KIF27: variants seen among roughly 807,000 people sequenced by gnomAD.
KIF27 encodes kinesin family member 27.
A neutral mutation model predicts 141.8 loss-of-function variants in KIF27; 84 were observed. The observed-to-expected ratio is 0.59, with a 90% CI of 0.50 to 0.71. The LOEUF (loss-of-function observed/expected upper bound fraction) is 0.71. Ranked by LOEUF, KIF27 falls within the 30% of genes least tolerant of loss-of-function variation. The pLI, the probability that KIF27 is intolerant of heterozygous loss-of-function variation, is 0.00. For missense variants in KIF27, 1,306 were observed against 1,628.4 expected (o/e 0.80, Z 3.41); for synonymous variants, 471 against 569.5 (o/e 0.83, Z 2.46).
intron 4 of KIF27, 71 bp downstream of exon 4, chr9:83,902,989 C>T: frequency 1.1e-6 from 1 of 917,622 alleles, no homozygotes; most frequent in Non-Finnish European, 1.6e-6. Context: ...AACACATGTA[C>T]CCCCAAAATA....
chr9:83,838,969 A>G (rs1488226250), intron 17 of KIF27, among the ~76,000 whole-genome samples: 1 of 152,168 alleles, frequency 6.6e-6, no homozygotes, highest in Non-Finnish European at 1.5e-5. Flanking sequence ...CAAACTCTGC[A>G]GTACATCAGA....
chr9:83,900,817 T>A (rs1196082089), intron 4 of KIF27, among the ~76,000 whole-genome samples: 3 of 151,786 alleles, frequency 2.0e-5, no homozygotes, highest in Non-Finnish European at 4.4e-5. Context: ...TTACCAGTAC[T>A]TCCTGTTCCA....
At chr9:83,842,666 T>G (rs1005990595) in intron 16 of KIF27, among the ~76,000 whole-genome samples, 2 of 151,976 alleles carry the variant, frequency 1.3e-5, no homozygotes, top group African/African-American at 4.8e-5. Flanking sequence ...TGGGGTTTCA[T>G]CATGTTAGCC....
Position 83,859,382 on chromosome 9 carries a change from C to T in KIF27, c.2935-11G>A. 1 of 1,599,000 alleles carries T rather than the reference C, an allele frequency of 6.3e-7. No individual in the cohort carries two copies. Among genetic ancestry groups the T allele is most frequent in the Non-Finnish European group, 8.6e-7 (1 of 1,166,428 alleles). On this transcript the variant is annotated splice_polypyrimidine_tract_variant and intron_variant, in intron 13 of 17. Coordinates refer to ENST00000297814, the MANE Select transcript of KIF27 (RefSeq NM_017576.4). The stretch of plus-strand genomic sequence containing the variant: ...ATCTGTGTTTAAGGCCTAAAAGATA[C>T]AACCCACCAGCCACCTCAAAAACAG...
At chr9:83,885,790 C>T (rs1204135129) in intron 9 of KIF27, among the ~76,000 whole-genome samples, 1 of 152,122 alleles carries the variant, frequency 6.6e-6, no homozygotes, top group East Asian at 1.9e-4. Context: ...TGTCACCATG[C>T]CCAGTACGCA....
intron 2 of KIF27, among the ~76,000 whole-genome samples, chr9:83,909,318 G>C (rs1208556448): frequency 2.0e-5 from 3 of 152,140 alleles, no homozygotes; most frequent in Non-Finnish European, 2.9e-5. Flanking sequence ...TCTGAGAAAA[G>C]ACTTGAAAGA....
At chr9:83,870,846 A>G (rs1177322468) in intron 11 of KIF27, among the ~76,000 whole-genome samples, 1 of 151,864 alleles carries the variant, frequency 6.6e-6, no homozygotes, top group Non-Finnish European at 1.5e-5. Flanking sequence ...TTAGTCACAG[A>G]AAGAGAAAAT....
chr9:83,858,506 C>T (rs992224452), intron 14 of KIF27: 3 of 152,154 alleles, frequency 2.0e-5, no homozygotes, highest in African/African-American at 7.2e-5. Context: ...AAAGGTACCA[C>T]TGCCAACTGA....
intron 5 of KIF27, among the ~76,000 whole-genome samples, chr9:83,896,060 AAAAAAAAAAAAAAAAC>A (rs1189471297): frequency 1.3e-4 from 20 of 149,216 alleles, no homozygotes; most frequent in African/African-American, 4.7e-4. Context: ...TCAAAAAAAA[AAAAAAAAAAAAAAAAC>A]AAAACACACA....
At chr9:83,865,724 GCTCTAT>G (rs1241740342) in intron 13 of KIF27, among the ~76,000 whole-genome samples, 1 of 152,008 alleles carries the variant, frequency 6.6e-6, no homozygotes, top group East Asian at 1.9e-4. Flanking sequence ...TCAGCTTCTT[GCTCTAT>G]CTCTAATGTC....
rs73648584 is a variant in KIF27 at position 83,865,730 on chromosome 9, T to G, written c.2934+1954A>C. Among the ~76,000 whole-genome samples the G allele has an allele frequency of 2.8e-3, 433 of 152,332 alleles. 12 individuals carry two copies. The East Asian group carries it at 0.075, about 26-fold the overall frequency. ...AAGTTTTTTTCAGCTTCTTGCTCTATCTCTAATGTCTCTGAGTTTATTTTT... is the reference window on the plus strand; with the variant it reads ...AAGTTTTTTTCAGCTTCTTGCTCTAGCTCTAATGTCTCTGAGTTTATTTTT... On this transcript the variant is annotated intron_variant, in intron 13 of 17. Coordinates refer to ENST00000297814, the MANE Select transcript of KIF27 (RefSeq NM_017576.4).
At chr9:83,888,743 GC>G (rs60702413) in intron 7 of KIF27, 151 bp from the exon 8 acceptor site, 59,062 of 407,582 alleles carry the variant, frequency 0.14, 4,640 homozygotes, top group African/African-American at 0.24. Context: ...ATAAAAGGAT[GC>G]CCCCCCCATC....
At chr9:83,885,359 C>T (rs1227326402) in intron 9 of KIF27, among the ~76,000 whole-genome samples, 1 of 152,170 alleles carries the variant, frequency 6.6e-6, no homozygotes, top group African/African-American at 2.4e-5. Flanking sequence ...TCCCAAAGTG[C>T]TGGGATTACA....
intron 1 of KIF27, among the ~76,000 whole-genome samples, chr9:83,918,375 G>T (rs77248201): frequency 6.6e-6 from 1 of 151,202 alleles, no homozygotes; most frequent in Non-Finnish European, 1.5e-5. Context: ...AAGGAAAAAC[G>T]ACATCAAAAT....
intron 14 of KIF27, among the ~76,000 whole-genome samples, chr9:83,854,655 C>T (rs185604993): frequency 1.3e-4 from 20 of 152,286 alleles, no homozygotes; most frequent in Admixed American, 5.9e-4. Context: ...CCTACCTTGC[C>T]GTCCTGAGTA....
At chr9:83,915,178 T>C in intron 2 of KIF27, 116 bp downstream of exon 2, 1 of 757,582 alleles carries the variant, frequency 1.3e-6, no homozygotes. Flanking sequence ...GATTACATGA[T>C]TCATTCCTTC....
intron 10 of KIF27, among the ~76,000 whole-genome samples, chr9:83,883,193 T>C (rs374636834): frequency 6.6e-6 from 1 of 152,032 alleles, no homozygotes; most frequent in African/African-American, 2.4e-5. Flanking sequence ...GATAAAGAAA[T>C]AGAGGACACA....
At chr9:83,865,730 T>C (rs73648584) in intron 13 of KIF27, among the ~76,000 whole-genome samples, 3 of 152,334 alleles carry the variant, frequency 2.0e-5, no homozygotes, top group African/African-American at 7.2e-5. Flanking sequence ...TCTTGCTCTA[T>C]CTCTAATGTC....
In KIF27 at chr9:83,919,431, G is replaced by A. The variant is rs1184897735; in HGVS notation, c.-88+1940C>T. On this transcript the variant is annotated intron_variant, in intron 1 of 17. Coordinates refer to ENST00000297814, the MANE Select transcript of KIF27 (RefSeq NM_017576.4). ...AATTTAACAAGTAATCTATGACAAT[G>A]TTTGAGTGCAGATGATGAAAAGTAA... Among the ~76,000 whole-genome samples the A allele has an allele frequency of 2.0e-5, 3 of 152,312 alleles. No homozygotes were observed. In the East Asian group the frequency reaches 5.8e-4, roughly 29 times the overall value.
Sources: gnomAD v4.1 joint callset for allele counts (sites outside exome capture counted in the v4.1 genomes callset) on GRCh38, gnomAD v4.1.1 for gene constraint, MANE v1.5 for transcripts, NCBI Gene and HGNC (gene_info 2026-07-23, HGNC 2026-07-21) for gene names.